Variants in INPP4A observed in about 807,000 individuals in gnomAD.
The protein encoded by INPP4A is inositol polyphosphate-4-phosphatase type I A.
Under a neutral mutation model 119.8 loss-of-function variants are expected in INPP4A, and 33 were observed. The observed-to-expected ratio is 0.28, with a 90% CI of 0.21 to 0.37. The LOEUF (loss-of-function observed/expected upper bound fraction) is 0.37, where lower values mean the gene tolerates loss of function less well. Among genes scored for constraint, INPP4A ranks in the 10% least tolerant of loss-of-function variants. The pLI, the probability that INPP4A is intolerant of heterozygous loss-of-function variation, is 1.00. For synonymous variants in INPP4A, 496 were observed against 500.7 expected, an observed-to-expected ratio of 0.99 and a Z score of 0.12; for missense variants, 956 against 1,289.9, an observed-to-expected ratio of 0.74 and a Z score of 3.97.
intron 1 of INPP4A, among the ~76,000 whole-genome samples, chr2:98,507,671 T>A (rs78370814): frequency 1.3e-5 from 2 of 151,986 alleles, no homozygotes. Context: ...GAGTTTCAAG[T>A]TGGGGGCTGT....
rs140919586 is a variant in INPP4A, at chr2:98,553,238, C to G, written c.1347+269C>G. Among the ~76,000 whole-genome samples, 882 of 152,140 alleles carry G rather than the reference C, an allele frequency of 5.8e-3. 4 individuals are homozygous for G. Among genetic ancestry groups the G allele is most frequent in the South Asian group, 0.018 (88 of 4,822 alleles). ...TGCCCTTCAGCAAGTCCATGGGGCT[C>G]ATTTTGTTGAGGGTGATACAGTTCC... On this transcript the variant is annotated intron_variant, in intron 14 of 24. Transcript: ENST00000409851.
chr2:98,446,886 TA>T (rs900589223), intron 1 of INPP4A, among the ~76,000 whole-genome samples: 1 of 152,080 alleles, frequency 6.6e-6, no homozygotes, highest in African/African-American at 2.4e-5. Flanking sequence ...AAGGATGAAA[TA>T]AAATAATACA....
chr2:98,523,935 G>C (rs1687708964), intron 4 of INPP4A, among the ~76,000 whole-genome samples: 1 of 152,136 alleles, frequency 6.6e-6, no homozygotes, highest in Non-Finnish European at 1.5e-5. Context: ...TGGAAGTATG[G>C]AATTATTTCC....
In INPP4A at chr2:98,587,852, TA is replaced by T; in HGVS notation, c.*247del. ...GATAGTAACAACTGCCTATTTAAAT[TA>T]AATAGCCTTTGGCTGTAACTACACA... On this transcript the variant is annotated 3_prime_UTR_variant, in exon 25 of 25. Coordinates refer to ENST00000409851, the MANE Select transcript of INPP4A (RefSeq NM_001134225.2). The T allele has an allele frequency of 2.7e-6, 1 of 373,798 alleles. No individual in the cohort carries two copies. The highest frequency in any genetic ancestry group is 4.8e-5 in the Admixed American group (1 of 20,936). The allele number at this position is 373,798 out of a possible 1,614,324, so 23.2% of individuals were successfully genotyped here.
intron 1 of INPP4A, among the ~76,000 whole-genome samples, chr2:98,488,382 G>A (rs1448766307): frequency 6.6e-6 from 1 of 152,194 alleles, no homozygotes; most frequent in Non-Finnish European, 1.5e-5. Context: ...AATGGCAGCG[G>A]CAGCAAGAAC....
At chr2:98,451,523 G>A (rs1211018737) in intron 1 of INPP4A, among the ~76,000 whole-genome samples, 1 of 152,052 alleles carries the variant, frequency 6.6e-6, no homozygotes, top group Admixed American at 6.5e-5. Flanking sequence ...GAGACACCTG[G>A]TAGTTTTCCT....
At chr2:98,456,609 G>A (rs2104549440) in intron 1 of INPP4A, among the ~76,000 whole-genome samples, 1 of 152,330 alleles carries the variant, frequency 6.6e-6, no homozygotes, top group Non-Finnish European at 1.5e-5. Flanking sequence ...AAATTGCTGG[G>A]ATTACAGGGC....
Position 98,565,629 on chromosome 2 carries a change from C to T in INPP4A, c.2153-11C>T, listed in dbSNP as rs375689083. ...CTCTGCCTGACAGCCCTGCCCCTCT[C>T]TCATGTCCAGGGGAGGAGCTGGCAA... On this transcript the variant is annotated splice_polypyrimidine_tract_variant and intron_variant, in intron 19 of 24. Coordinates refer to ENST00000409851, the MANE Select transcript of INPP4A (RefSeq NM_001134225.2). 8 of 1,600,770 alleles carry T rather than the reference C, an allele frequency of 5.0e-6. No homozygotes were observed. The African/African-American group carries it at 5.4e-5, about 11-fold the overall frequency.
chr2:98,552,307 G>A (rs1016437867), intron 13 of INPP4A, among the ~76,000 whole-genome samples: 1 of 152,068 alleles, frequency 6.6e-6, no homozygotes, highest in Non-Finnish European at 1.5e-5. Context: ...TGCCTGATTG[G>A]CCAAAAGAAA....
intron 1 of INPP4A, among the ~76,000 whole-genome samples, chr2:98,450,240 G>A (rs544422271): frequency 2.0e-5 from 3 of 152,238 alleles, no homozygotes; most frequent in Admixed American, 6.5e-5. Flanking sequence ...AGCATCCCCC[G>A]AGGGTAGTTA....
chr2:98,557,735 G>T (rs1054975964), intron 16 of INPP4A, among the ~76,000 whole-genome samples: 1 of 152,238 alleles, frequency 6.6e-6, no homozygotes, highest in Non-Finnish European at 1.5e-5. Context: ...TCTGGCAGGT[G>T]AGGGTCACCC....
chr2:98,529,790 G>T (rs772869724), intron 4 of INPP4A, among the ~76,000 whole-genome samples: 1 of 152,048 alleles, frequency 6.6e-6, no homozygotes, highest in Non-Finnish European at 1.5e-5. Context: ...TTAAGAGGGT[G>T]AACTTTATGA....
At chr2:98,484,692 G>A (rs1679186977) in intron 1 of INPP4A, among the ~76,000 whole-genome samples, 1 of 152,276 alleles carries the variant, frequency 6.6e-6, no homozygotes, top group Middle Eastern at 3.4e-3. Flanking sequence ...ATCTCCCAGT[G>A]CTTAACATTT....
intron 1 of INPP4A, among the ~76,000 whole-genome samples, chr2:98,493,299 G>T (rs1051693106): frequency 1.3e-5 from 2 of 152,020 alleles, no homozygotes; most frequent in African/African-American, 4.8e-5. Context: ...GATGTGGCTT[G>T]TCTGCCTACC....
intron 13 of INPP4A, 174 bp from the exon 14 acceptor site, chr2:98,552,612 A>C (rs764911649): frequency 1.1e-5 from 8 of 739,214 alleles, no homozygotes; most frequent in South Asian, 1.0e-4. Context: ...CCATATAGAC[A>C]GGAAGAATCT....
chr2:98,544,051 AC>A, intron 11 of INPP4A, 44 bp downstream of exon 11: 1 of 1,491,594 alleles, frequency 6.7e-7, no homozygotes. Context: ...GTGCGCACAC[AC>A]ACACACACAC....
rs1486009482 is a variant in INPP4A at position 98,565,706 on chromosome 2, A to G, written c.2219A>G (p.Lys740Arg). ...GIMDLRNVTFKVTQATSSASA... is the reference protein window; with the variant it reads ...GIMDLRNVTFRVTQATSSASA... ...ATGGACTTGAGGAACGTGACCTTCA[A>G]AGTCACTCAGGCCACTTCCAGCGCC... Residue 740 changes from lysine (K) to arginine (R), a missense_variant, in exon 20 of 25, where the codon AAA becomes AGA. By Grantham distance (26) the Lys-to-Arg change is conservative (BLOSUM62 2). This residue lies in a region of INPP4A where 304 missense variants were observed against 492.1 expected (regional missense o/e 0.62). Coordinates refer to ENST00000409851, the MANE Select transcript of INPP4A (RefSeq NM_001134225.2). 4 of 1,613,572 alleles carry G rather than the reference A, an allele frequency of 2.5e-6. No homozygotes were observed. Among genetic ancestry groups the G allele is most frequent in the East Asian group, 2.2e-5 (1 of 44,872 alleles).
chr2:98,533,235 C>G (rs1320803458), intron 4 of INPP4A, 142 bp from the exon 5 acceptor site: 1 of 580,500 alleles, frequency 1.7e-6, no homozygotes, highest in Non-Finnish European at 3.1e-6. Flanking sequence ...AAAATCACTT[C>G]CCTGTGACAA....
intron 1 of INPP4A, among the ~76,000 whole-genome samples, chr2:98,484,918 T>C (rs1335314602): frequency 1.3e-5 from 2 of 152,208 alleles, no homozygotes; most frequent in South Asian, 2.1e-4. Flanking sequence ...CAATTTATGG[T>C]ATAAAATCCT....
Sources: gnomAD v4.1 joint callset for allele counts (sites outside exome capture counted in the v4.1 genomes callset) on GRCh38, gnomAD v4.1.1 for gene constraint, gnomAD v4.1.1 regional missense constraint, MANE v1.5 for transcripts, NCBI Gene and HGNC (gene_info 2026-07-23, HGNC 2026-07-21) for gene names.